The following TRIM44 variants were observed in gnomAD, a reference collection of about 807,000 sequenced individuals.
TRIM44 encodes tripartite motif containing 44, also known as tripartite motif-containing protein 44.
In TRIM44, 13 loss-of-function variants were observed where a neutral mutation model predicts 37.4. The ratio of observed to expected loss-of-function variants is 0.35; its 90% CI spans 0.23 to 0.55. The LOEUF (loss-of-function observed/expected upper bound fraction) is 0.55, where lower values mean the gene tolerates loss of function less well. Among genes scored for constraint, TRIM44 ranks in the 20% least tolerant of loss-of-function variants. The pLI is 0.89. For missense variants in TRIM44, 426 were observed against 437.2 expected, an observed-to-expected ratio of 0.97 and a Z score of 0.23; for synonymous variants, 175 against 157.2, an observed-to-expected ratio of 1.11 and a Z score of -0.85.
intron 4 of TRIM44, among the ~76,000 whole-genome samples, chr11:35,740,965 T>C (rs1852389958): frequency 6.6e-6 from 1 of 152,174 alleles, no homozygotes; most frequent in South Asian, 2.1e-4. Context: ...AACCATATGT[T>C]CTTAGATATG....
chr11:35,678,245 G>A (rs1689786395), intron 1 of TRIM44, among the ~76,000 whole-genome samples: 1 of 152,188 alleles, frequency 6.6e-6, no homozygotes, highest in African/African-American at 2.4e-5. Context: ...AGAATGGGCT[G>A]TTGGGTAGCA....
At chr11:35,739,343 T>C (rs1852363269) in intron 4 of TRIM44, among the ~76,000 whole-genome samples, 1 of 152,218 alleles carries the variant, frequency 6.6e-6, no homozygotes, top group Non-Finnish European at 1.5e-5. Flanking sequence ...GAGCTATGAC[T>C]TGAATCTAGT....
chr11:35,706,501 C>A (rs1271467991), intron 2 of TRIM44, among the ~76,000 whole-genome samples: 1 of 152,124 alleles, frequency 6.6e-6, no homozygotes, highest in African/African-American at 2.4e-5. Context: ...AACATCGATG[C>A]AAAAATCCTC....
At chr11:35,780,994 C>T (rs1307875434) in intron 4 of TRIM44, among the ~76,000 whole-genome samples, 1 of 152,102 alleles carries the variant, frequency 6.6e-6, no homozygotes, top group Non-Finnish European at 1.5e-5. Flanking sequence ...AACTAATAAA[C>T]CACTAAATGA....
chr11:35,744,530 A>C lies in TRIM44; in HGVS notation c.1007+9085A>C, dbSNP rs1360906121. Among the ~76,000 whole-genome samples, 3 of 152,200 alleles carry C rather than the reference A, an allele frequency of 2.0e-5. No homozygotes were observed. The East Asian group carries it at 5.8e-4, about 29-fold the overall frequency. ...AACATTCACTGTTATCTGAAATTTA[A>C]ATTTAACTGGGCACCCTGTTTTTTT... On this transcript the variant is annotated intron_variant, in intron 4 of 4. Transcript: ENST00000299413.
intron 1 of TRIM44, among the ~76,000 whole-genome samples, chr11:35,682,834 G>T (rs1298844196): frequency 6.6e-6 from 1 of 152,206 alleles, no homozygotes; most frequent in Non-Finnish European, 1.5e-5. Flanking sequence ...CAGGCTGTCT[G>T]CTTCTTAGGG....
chr11:35,714,089 C>T (rs538584125), intron 2 of TRIM44, among the ~76,000 whole-genome samples: 2 of 152,048 alleles, frequency 1.3e-5, no homozygotes, highest in South Asian at 4.1e-4. Flanking sequence ...TAGATGTTCC[C>T]TTGGGAAATT....
rs551625081 is a variant in TRIM44 at position 35,746,746 on chromosome 11, G to C, written c.1007+11301G>C. Among the ~76,000 whole-genome samples, 3 of 152,238 alleles carry C rather than the reference G, an allele frequency of 2.0e-5. No homozygotes were observed. The South Asian group carries it at 6.2e-4, about 32-fold the overall frequency. On this transcript the variant is annotated intron_variant, in intron 4 of 4. Coordinates refer to ENST00000299413, the MANE Select transcript of TRIM44 (RefSeq NM_017583.6). Reference sequence around the variant, plus strand: ...TACAAACCATGAGGCAAATTCATGTGCCTATACTTGTTTGGACCCAGGACC... The same window carrying C: ...TACAAACCATGAGGCAAATTCATGTCCCTATACTTGTTTGGACCCAGGACC...
At chr11:35,704,445 A>G (rs1410424258) in intron 2 of TRIM44, among the ~76,000 whole-genome samples, 9 of 152,196 alleles carry the variant, frequency 5.9e-5, no homozygotes, top group Non-Finnish European at 1.0e-4. Context: ...GAGCAACTCC[A>G]AGACACATAA....
At chr11:35,776,630 A>G (rs1452141164) in intron 4 of TRIM44, among the ~76,000 whole-genome samples, 1 of 152,204 alleles carries the variant, frequency 6.6e-6, no homozygotes, top group Non-Finnish European at 1.5e-5. Flanking sequence ...ACTGCTTTAA[A>G]TGTGTCCCAG....
At position 35,715,404 on chromosome 11, in the gene TRIM44, ATGTGTG is replaced by A. The variant is rs112688346; in HGVS notation, c.748-10499_748-10494del. ...TGAGCCTATATTATTCTCTCTGTGT[ATGTGTG>A]TGTGTGTGTGTGTGTGTGTGGGTGT... On this transcript the variant is annotated intron_variant, in intron 2 of 4. Coordinates refer to ENST00000299413, the MANE Select transcript of TRIM44 (RefSeq NM_017583.6). Among the ~76,000 whole-genome samples, 446 of 144,894 alleles carry A rather than the reference ATGTGTG, an allele frequency of 3.1e-3. 1 individual carries two copies. The highest frequency in any genetic ancestry group is 3.9e-3 in the Non-Finnish European group (254 of 65,166).
intron 4 of TRIM44, among the ~76,000 whole-genome samples, chr11:35,756,061 TG>T (rs1229827822): frequency 1.3e-5 from 2 of 152,252 alleles, no homozygotes; most frequent in African/African-American, 4.8e-5. Context: ...GGTAGCTTCA[TG>T]GGGATGACAT....
intron 4 of TRIM44, among the ~76,000 whole-genome samples, chr11:35,742,557 G>A (rs1852417631): frequency 1.6e-5 from 2 of 123,356 alleles, no homozygotes; most frequent in African/African-American, 6.4e-5. Context: ...TATATTAATT[G>A]TATTATATAT....
chr11:35,672,679 G>T (rs1851409599), intron 1 of TRIM44, among the ~76,000 whole-genome samples: 2 of 152,174 alleles, frequency 1.3e-5, no homozygotes, highest in Admixed American at 1.3e-4. Flanking sequence ...TTCTCGAGGG[G>T]CTGGAGGTAT....
chr11:35,665,479 A>G (rs1565400661), intron 1 of TRIM44, among the ~76,000 whole-genome samples: 1 of 151,518 alleles, frequency 6.6e-6, no homozygotes, highest in Middle Eastern at 3.2e-3. Flanking sequence ...CTGATTACTA[A>G]TGACTTTGAG....
intron 3 of TRIM44, among the ~76,000 whole-genome samples, chr11:35,733,339 A>G (rs969672398): frequency 2.0e-5 from 3 of 152,222 alleles, no homozygotes; most frequent in Non-Finnish European, 1.5e-5. Context: ...GAAAGTTTAG[A>G]TATTTTTTCC....
In TRIM44 at chr11:35,785,964, A is replaced by G. The variant is rs956275716; in HGVS notation, c.1008-20394A>G. On this transcript the variant is annotated intron_variant, in intron 4 of 4. Transcript: ENST00000299413. The stretch of plus-strand genomic sequence containing the variant: ...GCACTTTATTTCCTTAACCTGAGTC[A>G]TCTGTGCTTTCACTGCCATTCTTTT... Among the ~76,000 whole-genome samples the G allele has an allele frequency of 5.3e-5, 8 of 152,208 alleles. 1 individual carries two copies. The highest frequency in any genetic ancestry group is 3.9e-4 in the Admixed American group (6 of 15,280).
intron 3 of TRIM44, among the ~76,000 whole-genome samples, chr11:35,733,093 A>C (rs1852283691): frequency 6.6e-6 from 1 of 152,216 alleles, no homozygotes; most frequent in Admixed American, 6.5e-5. Context: ...AGTGTTTTAC[A>C]CAGATTTTCT....
In TRIM44 at chr11:35,725,869, C is replaced by T. The variant is rs542911224; in HGVS notation, c.748-55C>T. On this transcript the variant is annotated intron_variant, in intron 2 of 4. Transcript: ENST00000299413. ...CAGGGCTGTATAGTAATAACTCTGCCCTTTTGTTTCTTTGTATGTTCAACT... is the reference window on the plus strand; with the variant it reads ...CAGGGCTGTATAGTAATAACTCTGCTCTTTTGTTTCTTTGTATGTTCAACT... 107 of 1,592,220 alleles carry T rather than the reference C, an allele frequency of 6.7e-5. No individual in the cohort carries two copies. The African/African-American group carries it at 1.3e-3, about 19-fold the overall frequency.
Sources: gnomAD v4.1 joint callset for allele counts (sites outside exome capture counted in the v4.1 genomes callset) on GRCh38, gnomAD v4.1.1 for gene constraint, MANE v1.5 for transcripts, NCBI Gene and HGNC (gene_info 2026-07-23, HGNC 2026-07-21) for gene names.